The following PID1 variants were observed in gnomAD, a reference collection of about 807,000 sequenced individuals.
PID1 encodes the protein PTB-containing, cubilin and LRP1-interacting protein.
A neutral mutation model predicts 19.1 loss-of-function variants in PID1; 10 were observed. The observed-to-expected ratio is 0.52, with a 90% confidence interval of 0.32 to 0.89. The LOEUF (loss-of-function observed/expected upper bound fraction) is 0.89. PID1 is among the 40% of genes least tolerant of loss of function. The probability of loss-of-function intolerance (pLI) is 0.03; values close to 1 mark genes in which losing one functional copy is unlikely to be tolerated. For missense variants in PID1, 248 were observed against 285.3 expected, an observed-to-expected ratio of 0.87 and a Z score of 0.94; for synonymous variants, 130 against 116.0, an observed-to-expected ratio of 1.12 and a Z score of -0.78.
At chr2:229,043,736 C>T (rs1157620062) in intron 2 of PID1, among the ~76,000 whole-genome samples, 1 of 152,194 alleles carries the variant, frequency 6.6e-6, no homozygotes, top group African/African-American at 2.4e-5. Context: ...CAGGCAATCA[C>T]TGTCTAGTAG....
At position 229,271,220 on chromosome 2, in the gene PID1, C is replaced by A. The variant is rs1358126870; in HGVS notation, c.-177G>T. Reference sequence around the variant, plus strand: ...GCTGCGAGCAGGAGGAGGCGCGGCGCTCAGCTGCCGGCAACTTGTGGGCAC... The same window carrying A: ...GCTGCGAGCAGGAGGAGGCGCGGCGATCAGCTGCCGGCAACTTGTGGGCAC... On this transcript the variant is annotated 5_prime_UTR_variant, in exon 1 of 3. Coordinates refer to ENST00000392055, the MANE Select transcript of PID1 (RefSeq NM_001100818.2). 5.2e-6 allele frequency: 3 copies of A among 574,176 alleles called. No individual in the cohort carries two copies. The highest frequency in any genetic ancestry group is 8.7e-6 in the Non-Finnish European group (3 of 346,470). The allele number at this position is 574,176 out of a possible 1,614,324, so 35.6% of individuals were successfully genotyped here.
intron 2 of PID1, among the ~76,000 whole-genome samples, chr2:229,033,844 T>C (rs1340399585): frequency 1.3e-5 from 2 of 152,232 alleles, no homozygotes; most frequent in Non-Finnish European, 2.9e-5. Flanking sequence ...AAAGAAAAGC[T>C]GCTCTTAACC....
intron 2 of PID1, among the ~76,000 whole-genome samples, chr2:229,036,632 C>A (rs1693669141): frequency 6.6e-6 from 1 of 152,078 alleles, no homozygotes; most frequent in African/African-American, 2.4e-5. Context: ...CCTGTAAACC[C>A]ATCTACTTGG....
chr2:229,254,401 T>C (rs1265900624), intron 1 of PID1, among the ~76,000 whole-genome samples: 1 of 152,212 alleles, frequency 6.6e-6, no homozygotes, highest in Non-Finnish European at 1.5e-5. Flanking sequence ...CTACAACTAA[T>C]GCTATTACCC....
intron 2 of PID1, among the ~76,000 whole-genome samples, chr2:229,094,252 T>C (rs1045655898): frequency 2.6e-5 from 4 of 152,044 alleles, no homozygotes; most frequent in Non-Finnish European, 5.9e-5. Context: ...AAGAGATCTC[T>C]AAGAGAATTA....
At chr2:229,057,029 AGAAATTTTTATT>A (rs1694116902) in intron 2 of PID1, among the ~76,000 whole-genome samples, 1 of 30,160 alleles carries the variant, frequency 3.3e-5, no homozygotes, top group Admixed American at 4.9e-4. Context: ...CATAAGAGAA[AGAAATTTTTATT>A]TTATTATTTT....
chr2:229,167,507 T>C (rs1234527336), intron 1 of PID1, among the ~76,000 whole-genome samples: 1 of 152,246 alleles, frequency 6.6e-6, no homozygotes, highest in Admixed American at 6.5e-5. Flanking sequence ...TGAGAGACAC[T>C]GTCAAGAATA....
intron 2 of PID1, among the ~76,000 whole-genome samples, chr2:229,121,710 G>A (rs948551433): frequency 6.6e-6 from 1 of 152,124 alleles, no homozygotes; most frequent in Admixed American, 6.5e-5. Context: ...TGTGTATGGA[G>A]GGGGGAGGTA....
chr2:229,107,688 A>T (rs114232729), intron 2 of PID1, among the ~76,000 whole-genome samples: 2,029 of 152,256 alleles, frequency 0.013, 49 homozygotes, highest in African/African-American at 0.046. Flanking sequence ...AGCATTTTGA[A>T]ACAGGAGAAA....
intron 2 of PID1, among the ~76,000 whole-genome samples, chr2:229,052,458 T>C (rs1412523072): frequency 1.3e-5 from 2 of 152,200 alleles, no homozygotes; most frequent in Admixed American, 1.3e-4. Context: ...AGTAAGTTTT[T>C]ACTGCTCTAA....
intron 1 of PID1, among the ~76,000 whole-genome samples, chr2:229,160,061 T>C (rs1020832403): frequency 2.0e-5 from 3 of 152,194 alleles, no homozygotes; most frequent in African/African-American, 4.8e-5. Flanking sequence ...GTATCTCCCC[T>C]GTCTGCCATT....
intron 2 of PID1, among the ~76,000 whole-genome samples, chr2:229,075,179 A>G (rs1322001044): frequency 2.0e-5 from 3 of 152,214 alleles, no homozygotes; most frequent in African/African-American, 7.2e-5. Flanking sequence ...ATGTACGAGG[A>G]ACGTAACGCA....
At chr2:229,189,623 G>A (rs1253907247) in intron 1 of PID1, among the ~76,000 whole-genome samples, 1 of 152,188 alleles carries the variant, frequency 6.6e-6, no homozygotes, top group Non-Finnish European at 1.5e-5. Flanking sequence ...CTTGAACCTG[G>A]GAGGCGGAGG....
intron 2 of PID1, among the ~76,000 whole-genome samples, chr2:229,132,524 A>G (rs1338284701): frequency 6.6e-6 from 1 of 152,234 alleles, no homozygotes; most frequent in Non-Finnish European, 1.5e-5. Flanking sequence ...CAAAGTTTCA[A>G]GTGCTAGAAA....
At chr2:229,105,031 C>T (rs1444598633) in intron 2 of PID1, among the ~76,000 whole-genome samples, 5 of 152,302 alleles carry the variant, frequency 3.3e-5, no homozygotes, top group East Asian at 3.9e-4. Flanking sequence ...ATTTGTGGTG[C>T]GTCAGTTAAC....
At chr2:229,120,707 C>T (rs1695499154) in intron 2 of PID1, among the ~76,000 whole-genome samples, 1 of 151,922 alleles carries the variant, frequency 6.6e-6, no homozygotes, top group Admixed American at 6.6e-5. Context: ...CCCACCAAAA[C>T]TCATGTTGAA....
rs188609859 is a variant in PID1, at chr2:229,212,567, T to C, written c.31-56603A>G. 8.5e-5 allele frequency among the ~76,000 whole-genome samples: 13 copies of C among 152,278 alleles called. No homozygotes were observed. In the East Asian group the frequency reaches 2.5e-3, roughly 29 times the overall value. ...GTCCTATTTTAGATTGTTATTTCCA[T>C]GTTAAGGTATCCCTCTACAAATGCT... is the stretch of plus-strand genomic sequence containing the variant. On this transcript the variant is annotated intron_variant, in intron 1 of 2. Transcript: ENST00000392055.
In PID1 at chr2:229,225,082, T is replaced by C. The variant is rs7600241; in HGVS notation, c.30+45932A>G. On this transcript the variant is annotated intron_variant, in intron 1 of 2. Transcript: ENST00000392055. ...TTAGTTTCTATATTCCCTCTACTTCTGATAAATCTCCACATCCTTCTCATA... is the reference window on the plus strand; with the variant it reads ...TTAGTTTCTATATTCCCTCTACTTCCGATAAATCTCCACATCCTTCTCATA... 7.0e-3 allele frequency among the ~76,000 whole-genome samples: 1,067 copies of C among 152,308 alleles called. 14 individuals are homozygous for C. The highest frequency in any genetic ancestry group is 0.025 in the African/African-American group (1,032 of 41,570).
intron 2 of PID1, among the ~76,000 whole-genome samples, chr2:229,142,602 T>A (rs1301314113): frequency 6.6e-6 from 1 of 152,136 alleles, no homozygotes; most frequent in Non-Finnish European, 1.5e-5. Flanking sequence ...AAAATGCTCA[T>A]CATCACTGGC....
Sources: gnomAD v4.1 joint callset for allele counts (sites outside exome capture counted in the v4.1 genomes callset) on GRCh38, gnomAD v4.1.1 for gene constraint, MANE v1.5 for transcripts, NCBI Gene and HGNC (gene_info 2026-07-23, HGNC 2026-07-21) for gene names.